SLC35D4: variants seen among roughly 807,000 people sequenced by gnomAD.
SLC35D4 encodes the protein solute carrier family 35 member D4.
chr18:23,332,064 T>TG, the SLC35D4 span, among the ~76,000 whole-genome samples: 1 of 15,018 alleles, frequency 6.7e-5, no homozygotes, highest in Non-Finnish European at 1.3e-4. Context: ...TTAAAAAGAA[T>TG]TTTTTTTTTT....
the SLC35D4 span, among the ~76,000 whole-genome samples, chr18:23,252,017 C>T: frequency 2.7e-5 from 4 of 148,788 alleles, no homozygotes; most frequent in African/African-American, 9.9e-5. Context: ...ACCCGGGAGG[C>T]GGAGGTTGCA....
the SLC35D4 span, among the ~76,000 whole-genome samples, chr18:23,261,110 T>C: frequency 1.3e-5 from 2 of 152,196 alleles, no homozygotes; most frequent in African/African-American, 4.8e-5. Context: ...TCGCGAGTAC[T>C]GTGCTTCCTC....
the SLC35D4 span, chr18:23,252,968 G>A: frequency 5.0e-6 from 8 of 1,608,530 alleles, no homozygotes; most frequent in Non-Finnish European, 6.8e-6. Flanking sequence ...AGACAACAGT[G>A]ATTGACTACG....
chr18:23,373,802 C>CAGGGA, the SLC35D4 span: 1 of 1,604,520 alleles, frequency 6.2e-7, no homozygotes, highest in Non-Finnish European at 8.5e-7. Flanking sequence ...CTTCACCTTT[C>CAGGGA]AACATCAAAG....
the SLC35D4 span, among the ~76,000 whole-genome samples, chr18:23,317,014 A>G: frequency 6.6e-6 from 1 of 152,212 alleles, no homozygotes; most frequent in Non-Finnish European, 1.5e-5. Context: ...ACAAAGGAAG[A>G]GTTGGAACTA....
the SLC35D4 span, among the ~76,000 whole-genome samples, chr18:23,280,257 G>A: frequency 5.3e-5 from 8 of 152,268 alleles, no homozygotes; most frequent in African/African-American, 1.2e-4. Flanking sequence ...AGCACAAGCA[G>A]ACTGCTTTCT....
At chr18:23,364,165 T>C in the SLC35D4 span, among the ~76,000 whole-genome samples, 1,863 of 152,260 alleles carry the variant, frequency 0.012, 33 homozygotes, top group African/African-American at 0.042. Context: ...TGTTACTGCT[T>C]TAAGCACAGG....
At chr18:23,347,064 A>C in the SLC35D4 span, among the ~76,000 whole-genome samples, 1 of 152,094 alleles carries the variant, frequency 6.6e-6, no homozygotes. Context: ...TTAGTTTCTA[A>C]AAGAATTTGT....
the SLC35D4 span, among the ~76,000 whole-genome samples, chr18:23,308,968 A>T: frequency 6.6e-6 from 1 of 150,942 alleles, no homozygotes; most frequent in Admixed American, 6.6e-5. Flanking sequence ...CAAGTCTCTT[A>T]TATAAAATGG....
chr18:23,244,715 T>C, the SLC35D4 span, among the ~76,000 whole-genome samples: 1 of 152,242 alleles, frequency 6.6e-6, no homozygotes, highest in Non-Finnish European at 1.5e-5. Context: ...GTGTGGCTCA[T>C]TGCCTTGTAT....
chr18:23,280,842 G>GC, the SLC35D4 span, among the ~76,000 whole-genome samples: 38 of 151,980 alleles, frequency 2.5e-4, no homozygotes, highest in African/African-American at 5.6e-4. Flanking sequence ...TGTTGACCAT[G>GC]CCCCCCCGTC....
chr18:23,319,569 C>A, the SLC35D4 span, among the ~76,000 whole-genome samples: 8 of 152,186 alleles, frequency 5.3e-5, no homozygotes, highest in Non-Finnish European at 7.3e-5. Flanking sequence ...TCCTGAGTAG[C>A]TGGGATTACA....
At chr18:23,249,102 G>A in the SLC35D4 span, among the ~76,000 whole-genome samples, 11 of 152,362 alleles carry the variant, frequency 7.2e-5, no homozygotes, top group Admixed American at 6.5e-4. Flanking sequence ...CAGGACTTGA[G>A]GATTCCTGCC....
At chr18:23,298,390 C>T in the SLC35D4 span, among the ~76,000 whole-genome samples, 1 of 152,186 alleles carries the variant, frequency 6.6e-6, no homozygotes, top group Non-Finnish European at 1.5e-5. Context: ...AGACTTCTGG[C>T]AGGAGAGATC....
the SLC35D4 span, among the ~76,000 whole-genome samples, chr18:23,245,329 G>A: frequency 3.6e-4 from 55 of 152,158 alleles, no homozygotes; most frequent in East Asian, 3.1e-3. Context: ...CCAACATGGC[G>A]AAACCCCATC....
chr18:23,346,579 T>C, the SLC35D4 span, among the ~76,000 whole-genome samples: 2 of 152,204 alleles, frequency 1.3e-5, no homozygotes, highest in African/African-American at 4.8e-5. Context: ...CAATGTTCAA[T>C]AGAAATGGTG....
chr18:23,257,212 TTC>T, the SLC35D4 span: 34 of 1,603,460 alleles, frequency 2.1e-5, no homozygotes, highest in Middle Eastern at 6.6e-4. Context: ...GCTTTTGATT[TTC>T]TTTTTGTTGC....
At chr18:23,243,104 C>A in the SLC35D4 span, among the ~76,000 whole-genome samples, 10 of 151,298 alleles carry the variant, frequency 6.6e-5, no homozygotes, top group African/African-American at 2.2e-4. Flanking sequence ...ATATATATAT[C>A]TATTTCCATT....
the SLC35D4 span, among the ~76,000 whole-genome samples, chr18:23,364,188 A>G: frequency 6.6e-6 from 1 of 152,236 alleles, no homozygotes; most frequent in African/African-American, 2.4e-5. Context: ...AAGAGCTAGA[A>G]GGGACCTTAG....
Sources: gnomAD v4.1 joint callset for allele counts (sites outside exome capture counted in the v4.1 genomes callset) on GRCh38, gnomAD v4.1.1 for gene constraint, MANE v1.5 for transcripts, NCBI Gene and HGNC (gene_info 2026-07-23, HGNC 2026-07-21) for gene names.